ME1: variants seen among roughly 807,000 people sequenced by gnomAD.
The protein encoded by ME1 is NADP-dependent malic enzyme.
In ME1, 74 loss-of-function variants were observed where a neutral mutation model predicts 66.4. The observed-to-expected ratio is 1.11, with a 90% confidence interval of 0.92 to 1.35. The LOEUF is 1.35. ME1 is among the 40% of genes most tolerant of loss of function. ME1 has a pLI of 0.00. For missense variants in ME1, 750 were observed against 694.1 expected (o/e 1.08, Z -0.90); for synonymous variants, 251 against 235.6 (o/e 1.07, Z -0.60).
At chr6:83,420,717 TAC>T (rs1770247526) in intron 1 of ME1, among the ~76,000 whole-genome samples, 2 of 152,190 alleles carry the variant, frequency 1.3e-5, no homozygotes, top group Admixed American at 1.3e-4. Flanking sequence ...AAAACAGTGT[TAC>T]TTCAAGAATA....
intron 7 of ME1, 77 bp downstream of exon 7, chr6:83,253,552 T>C: frequency 1.3e-6 from 1 of 768,118 alleles, no homozygotes; most frequent in Non-Finnish European, 2.3e-6. Flanking sequence ...ATATATTGAT[T>C]GAATTTGAAT....
At chr6:83,316,667 T>C (rs903497854) in intron 5 of ME1, among the ~76,000 whole-genome samples, 1 of 149,528 alleles carries the variant, frequency 6.7e-6, no homozygotes, top group Non-Finnish European at 1.5e-5. Flanking sequence ...ACATAGAAAA[T>C]ACTAAGAAAT....
chr6:83,333,379 T>C (rs1468947164), intron 5 of ME1, among the ~76,000 whole-genome samples: 1 of 152,176 alleles, frequency 6.6e-6, no homozygotes, highest in East Asian at 1.9e-4. Flanking sequence ...TTAAATGAAC[T>C]CATAGACTCA....
chr6:83,229,791 A>G (rs1014560182), intron 9 of ME1, among the ~76,000 whole-genome samples: 2 of 151,960 alleles, frequency 1.3e-5, no homozygotes, highest in African/African-American at 2.4e-5. Context: ...AGATAGTACA[A>G]TTTTCTTTCT....
At chr6:83,359,738 C>T (rs1421277064) in intron 3 of ME1, among the ~76,000 whole-genome samples, 1 of 152,076 alleles carries the variant, frequency 6.6e-6, no homozygotes, top group Non-Finnish European at 1.5e-5. Context: ...GAAGATATAC[C>T]CTTGACCAAT....
chr6:83,222,130 A>C (rs150075164), intron 12 of ME1, among the ~76,000 whole-genome samples: 2 of 152,312 alleles, frequency 1.3e-5, no homozygotes, highest in East Asian at 3.9e-4. Flanking sequence ...CAGGTAACCA[A>C]AACTCTGATG....
chr6:83,346,237 G>C lies in ME1; in HGVS notation c.536C>G (p.Ala179Gly). 1 of 1,613,206 alleles carries C rather than the reference G, an allele frequency of 6.2e-7. No individual in the cohort carries two copies. Among genetic ancestry groups the C allele is most frequent in the Non-Finnish European group, 8.5e-7 (1 of 1,179,466 alleles). ...TTCTTGAGGATTCATCCCTCCGCAA[G>C]CTGTATATAGAGCCAATTTACCCAC... Reference protein sequence around the residue: ...IPVGKLALYTACGGMNPQECL... With the variant: ...IPVGKLALYTGCGGMNPQECL... The change falls in exon 5 of 14, where the codon GCT (alanine) becomes GGT (glycine). Residue 179 changes from alanine (A) to glycine (G), a missense_variant. Physicochemically the swap from Ala to Gly is moderately conservative, Grantham distance 60. Transcript: ENST00000369705.
chr6:83,264,394 C>T (rs899087586), intron 6 of ME1, among the ~76,000 whole-genome samples: 1 of 152,124 alleles, frequency 6.6e-6, no homozygotes, highest in Admixed American at 6.6e-5. Context: ...GCAGCCCATA[C>T]ATAGAGAGGC....
At chr6:83,382,240 C>A (rs1769419239) in intron 3 of ME1, among the ~76,000 whole-genome samples, 1 of 152,046 alleles carries the variant, frequency 6.6e-6, no homozygotes, top group Non-Finnish European at 1.5e-5. Context: ...GTAAATTCCA[C>A]AAATGCAGAA....
At chr6:83,333,052 T>G (rs1194452531) in intron 5 of ME1, among the ~76,000 whole-genome samples, 1 of 152,218 alleles carries the variant, frequency 6.6e-6, no homozygotes, top group Non-Finnish European at 1.5e-5. Context: ...TTATGGCAAG[T>G]GAAGACTGTC....
intron 9 of ME1, among the ~76,000 whole-genome samples, chr6:83,235,213 G>A (rs982094397): frequency 1.1e-4 from 16 of 152,062 alleles, no homozygotes; most frequent in Non-Finnish European, 1.3e-4. Flanking sequence ...ATCATCTCCT[G>A]TGCACCTTGA....
chr6:83,401,623 G>A (rs1302009466), intron 2 of ME1, among the ~76,000 whole-genome samples: 11 of 152,236 alleles, frequency 7.2e-5, no homozygotes, highest in South Asian at 4.1e-4. Context: ...TATACACGTC[G>A]GACAAACTGA....
At chr6:83,403,575 T>A (rs1321048814) in intron 2 of ME1, among the ~76,000 whole-genome samples, 1 of 152,206 alleles carries the variant, frequency 6.6e-6, no homozygotes, top group East Asian at 1.9e-4. Flanking sequence ...CATGGTGGTT[T>A]GCTGCACCTA....
At chr6:83,245,436 G>T (rs776744503) in intron 7 of ME1, among the ~76,000 whole-genome samples, 3 of 151,920 alleles carry the variant, frequency 2.0e-5, no homozygotes, top group African/African-American at 4.8e-5. Flanking sequence ...ACAGGGTTTC[G>T]CTCTTGTTGT....
At chr6:83,225,100 G>A (rs1790166111) in intron 11 of ME1, among the ~76,000 whole-genome samples, 2 of 150,684 alleles carry the variant, frequency 1.3e-5, no homozygotes, top group African/African-American at 4.9e-5. Flanking sequence ...TACTCAGGAA[G>A]CTGAGGCAGG....
In ME1 at chr6:83,298,931, G is replaced by GT. The variant is rs61055748; in HGVS notation, c.704+16378dup. Among the ~76,000 whole-genome samples, 4 of 22,496 alleles carry GT rather than the reference G, an allele frequency of 1.8e-4. 1 individual carries two copies. Among genetic ancestry groups the GT allele is most frequent in the Non-Finnish European group, 2.3e-4 (3 of 12,860 alleles). The allele number at this position is 22,496 out of a possible 152,430, so 14.8% of individuals were successfully genotyped here. A position where few individuals can be genotyped will look rare whatever the true frequency, so the allele number is the denominator to read the frequency against. On this transcript the variant is annotated intron_variant, in intron 6 of 13. Coordinates refer to ENST00000369705, the MANE Select transcript of ME1 (RefSeq NM_002395.6). ...TGCTGTTCCATTAGTCTATGTGTCT[G>GT]TTTTTTTTTTTTTTTTTTTTTTTTT...
At chr6:83,422,351 T>C (rs1237114287) in intron 1 of ME1, among the ~76,000 whole-genome samples, 1 of 152,060 alleles carries the variant, frequency 6.6e-6, no homozygotes, top group Admixed American at 6.6e-5. Context: ...CCTAACCAGG[T>C]TGAGTGACCA....
rs1184801379 is a variant in ME1 at position 83,281,698 on chromosome 6, C to G, written c.705-27960G>C. ...GTGGGAGTCTATAATTCCAGCTACT[C>G]GGGAGGCTGAGGCATGAGAATCACC... is the stretch of plus-strand genomic sequence containing the variant. On this transcript the variant is annotated intron_variant, in intron 6 of 13. Transcript: ENST00000369705. Among the ~76,000 whole-genome samples, 4 of 147,892 alleles carry G rather than the reference C, an allele frequency of 2.7e-5. No homozygotes were observed. The Admixed American group carries it at 2.7e-4, about 10-fold the overall frequency.
At chr6:83,350,320 A>G (rs1157609395) in intron 4 of ME1, among the ~76,000 whole-genome samples, 1 of 152,214 alleles carries the variant, frequency 6.6e-6, no homozygotes, top group East Asian at 1.9e-4. Context: ...GCTTATGAAT[A>G]AAGTTAAAGA....
Sources: allele counts gnomAD v4.1 joint callset (sites outside exome capture counted in the v4.1 genomes callset), GRCh38; gene constraint gnomAD v4.1.1; transcripts MANE v1.5; gene names NCBI Gene and HGNC (gene_info 2026-07-23, HGNC 2026-07-21).